Variants in UTS2 observed in about 807,000 individuals in gnomAD.
UTS2 encodes urotensin-2.
In UTS2, 10 loss-of-function variants were observed where a neutral mutation model predicts 12.6. The ratio of observed to expected loss-of-function variants is 0.80; its 90% CI spans 0.49 to 1.35. UTS2 has a LOEUF of 1.35. Among genes scored for constraint, UTS2 ranks in the 40% most tolerant of loss-of-function variants. The probability of loss-of-function intolerance (pLI) is 0.00; values close to 1 mark genes in which losing one functional copy is unlikely to be tolerated. For missense variants in UTS2, 142 were observed against 143.2 expected, an observed-to-expected ratio of 0.99 and a Z score of 0.04; for synonymous variants, 52 against 50.0, an observed-to-expected ratio of 1.04 and a Z score of -0.17.
At chr1:7,906,449 G>GAAAGAA in the UTS2 span, among the ~76,000 whole-genome samples, 23 of 73,276 alleles carry the variant, frequency 3.1e-4, no homozygotes, top group African/African-American at 7.9e-4. Flanking sequence ...GAAAGAAAAA[G>GAAAGAA]AGAAAGAAAG....
At chr1:7,874,244 G>A in the UTS2 span, among the ~76,000 whole-genome samples, 4 of 152,202 alleles carry the variant, frequency 2.6e-5, no homozygotes, top group Non-Finnish European at 5.9e-5. Flanking sequence ...TAGCCACAGA[G>A]AGCCCCTTGG....
the UTS2 span, among the ~76,000 whole-genome samples, chr1:7,877,767 G>A: frequency 6.6e-6 from 1 of 152,160 alleles, no homozygotes; most frequent in Non-Finnish European, 1.5e-5. Flanking sequence ...CAGCTACTCA[G>A]GAGGCTGAGG....
the UTS2 span, among the ~76,000 whole-genome samples, chr1:7,880,642 A>G: frequency 6.6e-6 from 1 of 152,216 alleles, no homozygotes; most frequent in East Asian, 1.9e-4. Context: ...ACAGGCCAGT[A>G]ACAAATAATG....
chr1:7,883,999 A>G, the UTS2 span, among the ~76,000 whole-genome samples: 1 of 151,978 alleles, frequency 6.6e-6, no homozygotes, highest in African/African-American at 2.4e-5. Context: ...TTTTTAGTAG[A>G]GACGGGGTTT....
chr1:7,868,950 C>G, the UTS2 span, among the ~76,000 whole-genome samples: 1 of 152,136 alleles, frequency 6.6e-6, no homozygotes, highest in Non-Finnish European at 1.5e-5. Flanking sequence ...AAGAAGGCCA[C>G]CATCTGAAAA....
At chr1:7,886,183 G>C in the UTS2 span, among the ~76,000 whole-genome samples, 1 of 151,972 alleles carries the variant, frequency 6.6e-6, no homozygotes, top group Non-Finnish European at 1.5e-5. Flanking sequence ...CCGGGAGGGG[G>C]GAGGGCCTCA....
chr1:7,906,452 A>AAAGG, the UTS2 span, among the ~76,000 whole-genome samples: 9 of 123,146 alleles, frequency 7.3e-5, no homozygotes, highest in African/African-American at 3.2e-4. Context: ...AGAAAAAGAG[A>AAAGG]AAGAAAGAAA....
chr1:7,868,077 C>T, the UTS2 span, among the ~76,000 whole-genome samples: 1 of 152,052 alleles, frequency 6.6e-6, no homozygotes, highest in Admixed American at 6.6e-5. Context: ...TGCCTCTCTC[C>T]CTGCACAGCT....
At chr1:7,886,766 A>T in the UTS2 span, among the ~76,000 whole-genome samples, 4 of 152,198 alleles carry the variant, frequency 2.6e-5, no homozygotes, top group South Asian at 8.3e-4. Context: ...GGGGAAAAAA[A>T]GCTCGGCCAG....
the UTS2 span, among the ~76,000 whole-genome samples, chr1:7,879,287 A>G: frequency 6.6e-6 from 1 of 152,198 alleles, no homozygotes; most frequent in Non-Finnish European, 1.5e-5. Flanking sequence ...CAAATTTTTA[A>G]AAGTCAAAAT....
the UTS2 span, among the ~76,000 whole-genome samples, chr1:7,892,469 GTTTTTTTTTTT>G: frequency 1.3e-5 from 1 of 77,752 alleles, no homozygotes; most frequent in Non-Finnish European, 2.3e-5. Flanking sequence ...CCTCATGCAT[GTTTTTTTTTTT>G]TTTTTTTTTT....
the UTS2 span, among the ~76,000 whole-genome samples, chr1:7,885,750 G>A: frequency 1.0e-3 from 158 of 152,162 alleles, no homozygotes; most frequent in African/African-American, 3.7e-3. Flanking sequence ...CTAGGGTGGT[G>A]AGCAGAGCTA....
At chr1:7,905,619 A>G in the UTS2 span, among the ~76,000 whole-genome samples, 1 of 152,104 alleles carries the variant, frequency 6.6e-6, no homozygotes, top group Non-Finnish European at 1.5e-5. Flanking sequence ...CTCAAGAGAA[A>G]AAGACTGCAG....
chr1:7,878,056 T>G, the UTS2 span, among the ~76,000 whole-genome samples: 1 of 152,134 alleles, frequency 6.6e-6, no homozygotes. Flanking sequence ...GAGAAAAGTG[T>G]CAAGTCACAT....
chr1:7,866,796 C>T, the UTS2 span, among the ~76,000 whole-genome samples: 1 of 152,158 alleles, frequency 6.6e-6, no homozygotes, highest in Non-Finnish European at 1.5e-5. The surrounding 1 kb of genome is among the most constrained non-coding windows in gnomAD (Gnocchi z 4.5). Flanking sequence ...ATCATTTCAT[C>T]CCCAGGGCTG....
chr1:7,894,209 C>T, the UTS2 span, among the ~76,000 whole-genome samples: 1 of 149,762 alleles, frequency 6.7e-6, no homozygotes, highest in Admixed American at 6.7e-5. Flanking sequence ...TTAAGATGGG[C>T]TCTTGCTCTG....
chr1:7,847,884 T>TAAAAC lies in UTS2; in HGVS notation c.259-7_259-3dup, dbSNP rs775726174. On this transcript the variant is annotated splice_region_variant and splice_polypyrimidine_tract_variant and intron_variant, in intron 3 of 3. Transcript: ENST00000361696. ...ATCTTGTCCAGAGAAATCCTGAAAC[T>TAAAAC]AAAACAATCCAAACGAACAACAACA... 2.7e-4 allele frequency: 428 copies of TAAAAC among 1,591,546 alleles called. No individual in the cohort carries two copies. Among genetic ancestry groups the TAAAAC allele is most frequent in the Non-Finnish European group, 3.4e-4 (397 of 1,166,862 alleles).
chr1:7,863,042 T>TTGAGACGAA, the UTS2 span, among the ~76,000 whole-genome samples: 1 of 28,784 alleles, frequency 3.5e-5, no homozygotes. Flanking sequence ...TGTATTGTAT[T>TTGAGACGAA]GTATTGTATT....
chr1:7,884,658 C>T, the UTS2 span, among the ~76,000 whole-genome samples: 1 of 152,158 alleles, frequency 6.6e-6, no homozygotes, highest in Non-Finnish European at 1.5e-5. Context: ...ATTCTCAGGA[C>T]CACTTTTCCA....
Sources: gnomAD v4.1 joint callset for allele counts (sites outside exome capture counted in the v4.1 genomes callset) on GRCh38, gnomAD v4.1.1 for gene constraint, Gnocchi (gnomAD v3.1) non-coding constraint, MANE v1.5 for transcripts, NCBI Gene and HGNC (gene_info 2026-07-23, HGNC 2026-07-21) for gene names.